The following PRKAR1B variants were observed in gnomAD, a reference collection of about 807,000 sequenced individuals.
PRKAR1B encodes cAMP-dependent protein kinase type I-beta regulatory subunit.
A neutral mutation model predicts 46.5 loss-of-function variants in PRKAR1B; 22 were observed. The ratio of observed to expected loss-of-function variants is 0.47; its 90% CI spans 0.34 to 0.68. The LOEUF (loss-of-function observed/expected upper bound fraction) is 0.68, where lower values mean the gene tolerates loss of function less well. Among genes scored for constraint, PRKAR1B ranks in the 30% least tolerant of loss-of-function variants. The probability of loss-of-function intolerance (pLI) is 0.01; values close to 1 mark genes in which losing one functional copy is unlikely to be tolerated. For synonymous variants in PRKAR1B, 259 were observed against 217.7 expected (o/e 1.19, Z -1.67); for missense variants, 445 against 535.6 (o/e 0.83, Z 1.67).
chr7:584,846 G>A (rs1310788047), intron 7 of PRKAR1B, among the ~76,000 whole-genome samples: 1 of 152,150 alleles, frequency 6.6e-6, no homozygotes, highest in Admixed American at 6.5e-5. Context: ...CAGGACCCGT[G>A]GTAGTTCCAC....
rs914248231 is a variant in PRKAR1B, at chr7:591,749, A to G, written c.708+4397T>C. Among the ~76,000 whole-genome samples the G allele has an allele frequency of 3.3e-5, 5 of 152,158 alleles. No homozygotes were observed. In the South Asian group the frequency reaches 6.2e-4, roughly 19 times the overall value. The stretch of plus-strand genomic sequence containing the variant: ...AGCCACTTCTCCAGCCTGGAGACGC[A>G]CTGTCAGTGGGGTGAAATGACTGGT... On this transcript the variant is annotated intron_variant, in intron 7 of 10. Coordinates refer to ENST00000537384, the MANE Select transcript of PRKAR1B (RefSeq NM_001164760.2).
chr7:726,587 C>T, intron 1 of PRKAR1B: 1 of 578,016 alleles, frequency 1.7e-6, no homozygotes, highest in Non-Finnish European at 2.5e-6. Flanking sequence ...GACAAGAGCA[C>T]AGGCCCACGT....
chr7:689,797 A>G (rs1429668306), intron 2 of PRKAR1B, among the ~76,000 whole-genome samples: 3 of 151,916 alleles, frequency 2.0e-5, no homozygotes, highest in African/African-American at 4.8e-5. Context: ...CTCCTGCCTC[A>G]GCCTCTCGAG....
chr7:549,246 AGGGGG>A lies in PRKAR1B; in HGVS notation c.*1179_*1183del, dbSNP rs35268388. ...TCATGCAGTATTCAGAGCAGAGATAAGGGGGGGGATGGCTCACAGGTCCACAGGGA... is the reference window on the plus strand; with the variant it reads ...TCATGCAGTATTCAGAGCAGAGATAAGGGATGGCTCACAGGTCCACAGGGA... On this transcript the variant is annotated 3_prime_UTR_variant, in exon 11 of 11. Transcript: ENST00000537384. The A allele has an allele frequency of 6.6e-6, 1 of 151,810 alleles. No individual in the cohort carries two copies. Among genetic ancestry groups the A allele is most frequent in the Non-Finnish European group, 1.5e-5 (1 of 67,972 alleles). The allele number at this position is 151,810 out of a possible 1,614,324, so 9.4% of individuals were successfully genotyped here. A position where few individuals can be genotyped will look rare whatever the true frequency, so the allele number is the denominator to read the frequency against.
chr7:699,216 C>G (rs1265334380), intron 2 of PRKAR1B, among the ~76,000 whole-genome samples: 2 of 152,128 alleles, frequency 1.3e-5, no homozygotes, highest in Admixed American at 6.5e-5. Context: ...GGTGGGGAAC[C>G]CACGTTCTCT....
chr7:582,562 C>T (rs1780247019), intron 8 of PRKAR1B, among the ~76,000 whole-genome samples: 1 of 152,262 alleles, frequency 6.6e-6, no homozygotes, highest in Non-Finnish European at 1.5e-5. Flanking sequence ...CATAAATGGG[C>T]GGACGGAGGC....
At chr7:607,527 C>T in intron 4 of PRKAR1B, 75 bp from the exon 5 acceptor site, 4 of 1,288,404 alleles carry the variant, frequency 3.1e-6, no homozygotes, top group Non-Finnish European at 4.5e-6. Flanking sequence ...CCTCATTTCA[C>T]AGTCTTGTGT....
At chr7:582,405 C>T (rs1358661947) in intron 8 of PRKAR1B, among the ~76,000 whole-genome samples, 1 of 152,252 alleles carries the variant, frequency 6.6e-6, no homozygotes, top group Non-Finnish European at 1.5e-5. Context: ...AAGCTGCCTG[C>T]GGAGACACCG....
intron 4 of PRKAR1B, among the ~76,000 whole-genome samples, chr7:613,020 C>T (rs561912424): frequency 7.2e-5 from 11 of 152,214 alleles, no homozygotes; most frequent in South Asian, 2.1e-4. Flanking sequence ...AACCTAACAC[C>T]GTGTGGTCAT....
intron 9 of PRKAR1B, chr7:578,996 T>C: frequency 7.6e-7 from 1 of 1,322,276 alleles, no homozygotes; most frequent in Non-Finnish European, 9.7e-7. Context: ...TCATGCAGTT[T>C]TATCACACGT....
intron 2 of PRKAR1B, among the ~76,000 whole-genome samples, chr7:709,178 A>C (rs893518891): frequency 2.0e-5 from 3 of 151,436 alleles, no homozygotes; most frequent in African/African-American, 7.3e-5. Flanking sequence ...GGAAAGGTTG[A>C]AAAACCTTAG....
At chr7:630,476 G>A (rs145160247) in intron 4 of PRKAR1B, among the ~76,000 whole-genome samples, 62 of 152,330 alleles carry the variant, frequency 4.1e-4, no homozygotes, top group Middle Eastern at 3.4e-3. Flanking sequence ...GTACCCAGGG[G>A]GTGGCCTATC....
chr7:557,136 G>C (rs1461144715), intron 9 of PRKAR1B, among the ~76,000 whole-genome samples: 2 of 152,324 alleles, frequency 1.3e-5, no homozygotes, highest in African/African-American at 4.8e-5. Flanking sequence ...AGCGGAGTCT[G>C]GTGGCCCCGG....
chr7:577,195 C>A (rs1451857076), intron 9 of PRKAR1B, among the ~76,000 whole-genome samples: 2 of 152,258 alleles, frequency 1.3e-5, no homozygotes, highest in Non-Finnish European at 2.9e-5. Context: ...AAGACACTGG[C>A]TCCCGAATTT....
At position 679,986 on chromosome 7, in the gene PRKAR1B, G is replaced by A. The variant is rs185006090; in HGVS notation, c.348+570C>T. ...ATCCTGGCTAACACAGTGAAACCCC[G>A]TCTTTACTAAAAATACAAAAAATTA... On this transcript the variant is annotated intron_variant, in intron 3 of 10. Coordinates refer to ENST00000537384, the MANE Select transcript of PRKAR1B (RefSeq NM_001164760.2). Among the ~76,000 whole-genome samples the A allele has an allele frequency of 2.8e-3, 426 of 152,020 alleles. 4 individuals are homozygous for A. The highest frequency in any genetic ancestry group is 9.9e-3 in the African/African-American group (411 of 41,454).
chr7:670,521 T>C (rs1202929231), intron 4 of PRKAR1B, among the ~76,000 whole-genome samples: 14 of 139,434 alleles, frequency 1.0e-4, no homozygotes, highest in African/African-American at 3.0e-4. Flanking sequence ...GAGGACGGCC[T>C]CTGAGCTCCC....
chr7:620,224 A>G (rs2128473415), intron 4 of PRKAR1B, among the ~76,000 whole-genome samples: 1 of 152,278 alleles, frequency 6.6e-6, no homozygotes, highest in African/African-American at 2.4e-5. Context: ...GCTGCTTTGA[A>G]GGTAGAGATT....
chr7:606,291 G>C, intron 5 of PRKAR1B, 52 bp from the exon 6 acceptor site: 1 of 1,574,892 alleles, frequency 6.3e-7, no homozygotes, highest in Non-Finnish European at 8.7e-7. Context: ...AGACATACAA[G>C]TTACAGTTTC....
chr7:601,666 G>A (rs1484802457), intron 6 of PRKAR1B, among the ~76,000 whole-genome samples: 1 of 152,220 alleles, frequency 6.6e-6, no homozygotes, highest in African/African-American at 2.4e-5. Context: ...TGCCCTGGCT[G>A]GAAAATCTGA....
Sources: gnomAD v4.1 joint callset for allele counts (sites outside exome capture counted in the v4.1 genomes callset) on GRCh38, gnomAD v4.1.1 for gene constraint, MANE v1.5 for transcripts, NCBI Gene and HGNC (gene_info 2026-07-23, HGNC 2026-07-21) for gene names.